The following DVL2 variants were observed in gnomAD, a reference collection of about 807,000 sequenced individuals.
The protein encoded by DVL2 is segment polarity protein dishevelled homolog DVL-2.
DVL2 carries 38 observed loss-of-function variants against 69.8 expected under a neutral mutation model. The ratio of observed to expected loss-of-function variants is 0.54; its 90% CI spans 0.42 to 0.71. DVL2 has a LOEUF of 0.71. Among genes scored for constraint, DVL2 ranks in the 30% least tolerant of loss-of-function variants. The probability of loss-of-function intolerance (pLI) is 0.00; values close to 1 mark genes in which losing one functional copy is unlikely to be tolerated. For synonymous variants in DVL2, 428 were observed against 392.4 expected (o/e 1.09, Z -1.07); for missense variants, 931 against 1,008.1 (o/e 0.92, Z 1.04).
chr17:7,228,976 T>C lies in DVL2; in HGVS notation c.1027A>G (p.Lys343Glu). ...AVRVLRDIVH[K>E]PGPIVLTVAK... Reference sequence around the variant, plus strand: ...ACCTGCTTGGCAACTCACCCAGGCTTGTGCACAATGTCCCTCAGCACCCGC... The same window carrying C: ...ACCTGCTTGGCAACTCACCCAGGCTCGTGCACAATGTCCCTCAGCACCCGC... The change falls in exon 9 of 15, where the codon AAG (lysine) becomes GAG (glutamate). Residue 343 changes from lysine to glutamate, a missense_variant. This residue lies in a region of DVL2 where 555 missense variants were observed against 588.8 expected (regional missense o/e 0.94). Coordinates refer to ENST00000005340, the MANE Select transcript of DVL2 (RefSeq NM_004422.3). 6.2e-7 allele frequency: 1 copy of C among 1,614,088 alleles called. No homozygotes were observed.
At chr17:7,232,273 A>G (rs553260550) in intron 1 of DVL2, among the ~76,000 whole-genome samples, 1 of 152,290 alleles carries the variant, frequency 6.6e-6, no homozygotes, top group South Asian at 2.1e-4. Context: ...TTAGCCCCAA[A>G]TTAGGACACC....
At chr17:7,233,962 A>G (rs1315443225) in intron 1 of DVL2, 107 bp downstream of exon 1, 2 of 1,236,600 alleles carry the variant, frequency 1.6e-6, no homozygotes, top group Non-Finnish European at 2.3e-6. Context: ...CTGCTCCACC[A>G]TAGGCCAGAA....
intron 11 of DVL2, 23 bp from the exon 12 acceptor site, chr17:7,227,558 A>C: frequency 6.2e-6 from 10 of 1,613,242 alleles, no homozygotes; most frequent in Non-Finnish European, 8.5e-6. Context: ...ACAACGGGTA[A>C]CCAGAGTCAG....
In DVL2 at chr17:7,229,785, G is replaced by C. The variant is rs755111905; in HGVS notation, c.656+23C>G. The C allele has an allele frequency of 5.0e-6, 8 of 1,604,542 alleles. No homozygotes were observed. The highest frequency in any genetic ancestry group is 6.8e-6 in the Non-Finnish European group (8 of 1,173,678). Reference sequence around the variant, plus strand: ...AGACGAGACGGGGCTGGGTGCGCTGGGGAGAGCTGTGCGGAGCCACACCTG... The same window carrying C: ...AGACGAGACGGGGCTGGGTGCGCTGCGGAGAGCTGTGCGGAGCCACACCTG... On this transcript the variant is annotated intron_variant, in intron 5 of 14. Transcript: ENST00000005340. The surrounding 1 kb of genome is among the most constrained non-coding windows in gnomAD (Gnocchi z 4.4).
At chr17:7,231,544 G>C (rs1011026087) in intron 1 of DVL2, among the ~76,000 whole-genome samples, 1 of 149,090 alleles carries the variant, frequency 6.7e-6, no homozygotes, top group Non-Finnish European at 1.5e-5. Flanking sequence ...TTCATTTCTA[G>C]AAGACTGTCC....
At position 7,225,841 on chromosome 17, in the gene DVL2, G is replaced by A. The variant is rs747515228; in HGVS notation, c.*24C>T. On this transcript the variant is annotated 3_prime_UTR_variant, in exon 15 of 15. Transcript: ENST00000005340. ...ACCCAGTCACACACCAGGAGCGCCC[G>A]GCCCAGCCTGGCCCCACAGTGGGCT... 2.6e-5 allele frequency: 41 copies of A among 1,607,746 alleles called. No individual in the cohort carries two copies. The Admixed American group carries it at 3.5e-4, about 14-fold the overall frequency.
Position 7,225,835 on chromosome 17 carries a change from G to C in DVL2, c.*30C>G. On this transcript the variant is annotated 3_prime_UTR_variant, in exon 15 of 15. Transcript: ENST00000005340. ...CAGGACACCCAGTCACACACCAGGA[G>C]CGCCCGGCCCAGCCTGGCCCCACAG... 6.3e-7 allele frequency: 1 copy of C among 1,597,162 alleles called. No individual in the cohort carries two copies. The highest frequency in any genetic ancestry group is 8.6e-7 in the Non-Finnish European group (1 of 1,166,014).
At position 7,230,278 on chromosome 17, in the gene DVL2, G is replaced by A; in HGVS notation, c.410+7C>T. On this transcript the variant is annotated splice_region_variant and intron_variant, in intron 3 of 14. Coordinates refer to ENST00000005340, the MANE Select transcript of DVL2 (RefSeq NM_004422.3). ...CTCCCCTGCAGTCAAGAATCTGAAG[G>A]ACTCACTGGAAGGATGGAGGCCTTG... 6.2e-7 allele frequency: 1 copy of A among 1,614,084 alleles called. No individual in the cohort carries two copies. Among genetic ancestry groups the A allele is most frequent in the Non-Finnish European group, 8.5e-7 (1 of 1,180,012 alleles).
chr17:7,227,560 C>T, intron 11 of DVL2, 25 bp from the exon 12 acceptor site: 1 of 1,613,190 alleles, frequency 6.2e-7, no homozygotes, highest in Non-Finnish European at 8.5e-7. Flanking sequence ...AACGGGTAAC[C>T]AGAGTCAGGG....
In DVL2 at chr17:7,230,399, A is replaced by T. The variant is rs769237336; in HGVS notation, c.296T>A (p.Met99Lys). Reference sequence around the variant, plus strand: ...CCGAGGCTCATGGACTGGAGGGGCCATCTCGGGTTGGGGATTATCTGAGGA... The same window carrying T: ...CCGAGGCTCATGGACTGGAGGGGCCTTCTCGGGTTGGGGATTATCTGAGGA... ...LVSSDNPQPE[M>K]APPVHEPRAE... The change falls in exon 3 of 15, where the codon ATG becomes AAG. Residue 99 changes from methionine to lysine, a missense_variant. By Grantham distance (95) the Met-to-Lys change is moderately conservative (BLOSUM62 -1). Transcript: ENST00000005340. 6.2e-7 allele frequency: 1 copy of T among 1,614,154 alleles called. No homozygotes were observed. The highest frequency in any genetic ancestry group is 1.1e-5 in the South Asian group (1 of 91,084).
In DVL2 at chr17:7,234,231, A is replaced by G. The variant is rs754572995; in HGVS notation, c.32T>C (p.Val11Ala). Reference sequence around the variant, plus strand: ...GTGGTAAATCACCTTCGTCTCCCCAACCCCACCGCCCCCAGTGCTGCTACC... The same window carrying G: ...GTGGTAAATCACCTTCGTCTCCCCAGCCCCACCGCCCCCAGTGCTGCTACC... MAGSSTGGGGVGETKVIYHLD... is the reference protein window; with the variant it reads MAGSSTGGGGAGETKVIYHLD... The change falls in exon 1 of 15, where the codon GTT becomes GCT. Residue 11 changes from valine (V) to alanine (A), a missense_variant. Physicochemically the swap from Val to Ala is moderately conservative, Grantham distance 64. This residue lies in a region of DVL2 where 555 missense variants were observed against 588.8 expected (regional missense o/e 0.94). Transcript: ENST00000005340. The G allele has an allele frequency of 1.9e-6, 3 of 1,612,948 alleles. No homozygotes were observed. The African/African-American group carries it at 4.0e-5, about 22-fold the overall frequency.
In DVL2 at chr17:7,225,359, T is replaced by C. The variant is rs2071425120; in HGVS notation, c.*506A>G. On this transcript the variant is annotated 3_prime_UTR_variant, in exon 15 of 15. Transcript: ENST00000005340. ...GGCGTGGGGAGTTTGCCTCTATTGCTTTATTTGGTGTTTTATACAAGTGAC... is the reference window on the plus strand; with the variant it reads ...GGCGTGGGGAGTTTGCCTCTATTGCCTTATTTGGTGTTTTATACAAGTGAC... The C allele has an allele frequency of 1.8e-6, 1 of 567,540 alleles. No homozygotes were observed. The highest frequency in any genetic ancestry group is 3.1e-6 in the Non-Finnish European group (1 of 318,382). 35.2% of individuals were successfully genotyped at this position (567,540 alleles called of 1,614,324 possible).
At chr17:7,228,844 A>C (rs1597548214) in intron 9 of DVL2, 125 bp downstream of exon 9, 1 of 927,120 alleles carries the variant, frequency 1.1e-6, no homozygotes, top group East Asian at 2.6e-5. Context: ...GGCCTCCCAA[A>C]GTGCTGGGTT....
rs2071454099 is a variant in DVL2 at position 7,226,581 on chromosome 17, A to G, written c.1602T>C (p.Asp534=). The G allele has an allele frequency of 6.2e-7, 1 of 1,605,318 alleles. No homozygotes were observed. The highest frequency in any genetic ancestry group is 1.3e-5 in the African/African-American group (1 of 74,630). The change falls in exon 14 of 15, where the codon GAT becomes GAC. Residue 534 remains aspartate (D), a synonymous_variant. Transcript: ENST00000005340. Reference sequence around the variant, plus strand: ...TGGCCCCAGGCAGAGGAGCCAGGGTATCCTGGTCTGAAGCCCCACTGGAGC... The same window carrying G: ...TGGCCCCAGGCAGAGGAGCCAGGGTGTCCTGGTCTGAAGCCCCACTGGAGC... ...NDGSSGASDQ[D]TLAPLPGATP...
At chr17:7,232,075 C>T (rs1040006007) in intron 1 of DVL2, among the ~76,000 whole-genome samples, 9 of 152,164 alleles carry the variant, frequency 5.9e-5, no homozygotes, top group Non-Finnish European at 2.9e-5. Flanking sequence ...TGTGGTGGAC[C>T]GGACTTGCCC....
chr17:7,229,528 CA>C lies in DVL2; in HGVS notation c.747+59del, dbSNP rs1403079231. On this transcript the variant is annotated intron_variant, in intron 6 of 14. Coordinates refer to ENST00000005340, the MANE Select transcript of DVL2 (RefSeq NM_004422.3). This position sits in a 1 kb window ranked among gnomAD's most constrained non-coding sequence, Gnocchi z 4.4. ...GTGCTGCCGGTGTCCTGGCACCGCC[CA>C]AACCAAAGCCCATGCCCCACCTTCT... 5.6e-6 allele frequency: 9 copies of C among 1,610,182 alleles called. No homozygotes were observed. The East Asian group carries it at 2.0e-4, about 36-fold the overall frequency.
rs139799578 is a variant in DVL2, at chr17:7,227,522, C to T, written c.1245G>A (p.Arg415=). The part of the protein sequence containing the change: ...GSSLPDGCEG[R]GLSVHTDMAS... ...CCATGTCCGTATGGACGGAGAGACC[C>T]CGGCCTTCACAGCCTGGCAGAGGAG... The change falls in exon 12 of 15, where the codon CGG becomes CGA. Residue 415 remains arginine, a synonymous_variant. Transcript: ENST00000005340. The T allele has an allele frequency of 6.2e-7, 1 of 1,614,002 alleles. No homozygotes were observed. The highest frequency in any genetic ancestry group is 1.7e-5 in the Admixed American group (1 of 60,028).
rs754662745 is a variant in DVL2, at chr17:7,234,139, C to T, written c.124G>A (p.Asp42Asn). The change falls in exon 1 of 15, where the codon GAT becomes AAT. Residue 42 changes from aspartate (D) to asparagine (N), a missense_variant. By Grantham distance (23) the Asp-to-Asn change is conservative (BLOSUM62 1). Transcript: ENST00000005340. Reference protein sequence around the residue: ...PVPAERITLGDFKSVLQRPAG... With the variant: ...PVPAERITLGNFKSVLQRPAG... ...GGCCGCTGCAGGACGCTCTTGAAAT[C>T]GCCGAGGGTGATGCGCTCGGCGGGG... 1.3e-5 allele frequency: 21 copies of T among 1,614,070 alleles called. 1 individual carries two copies. The South Asian group carries it at 2.3e-4, about 18-fold the overall frequency.
Position 7,229,782 on chromosome 17 carries a change from C to T in DVL2, c.656+26G>A. On this transcript the variant is annotated intron_variant, in intron 5 of 14. Transcript: ENST00000005340. This position sits in a 1 kb window ranked among gnomAD's most constrained non-coding sequence, Gnocchi z 4.4. ...GGAAGACGAGACGGGGCTGGGTGCG[C>T]TGGGGAGAGCTGTGCGGAGCCACAC... 1 of 1,601,490 alleles carries T rather than the reference C, an allele frequency of 6.2e-7. No homozygotes were observed. Among genetic ancestry groups the T allele is most frequent in the Non-Finnish European group, 8.5e-7 (1 of 1,171,606 alleles).
Sources: allele counts gnomAD v4.1 joint callset (sites outside exome capture counted in the v4.1 genomes callset), GRCh38; gene constraint gnomAD v4.1.1; regional missense constraint gnomAD v4.1.1; non-coding constraint Gnocchi (gnomAD v3.1); transcripts MANE v1.5; gene names NCBI Gene and HGNC (gene_info 2026-07-23, HGNC 2026-07-21).